The following DYM variants were observed in gnomAD, a reference collection of about 807,000 sequenced individuals.
DYM encodes dyggve-Melchior-Clausen syndrome protein.
DYM carries 78 observed loss-of-function variants against 93.1 expected under a neutral mutation model. That is an observed-to-expected ratio of 0.84 (90% CI 0.70 to 1.01). The LOEUF (loss-of-function observed/expected upper bound fraction) is 1.01. DYM is among the 50% of genes least tolerant of loss of function. The pLI is 0.00. For synonymous variants in DYM, 321 were observed against 319.7 expected (o/e 1.00, Z -0.04); for missense variants, 789 against 845.0 (o/e 0.93, Z 0.82).
At chr18:49,291,735 CA>C (rs1395677512) in intron 8 of DYM, among the ~76,000 whole-genome samples, 1 of 152,070 alleles carries the variant, frequency 6.6e-6, no homozygotes, top group Non-Finnish European at 1.5e-5. Flanking sequence ...TTAAAATTGT[CA>C]ATAATTGGTA....
intron 14 of DYM, among the ~76,000 whole-genome samples, chr18:49,188,619 C>G (rs1336998845): frequency 6.6e-6 from 1 of 151,644 alleles, no homozygotes; most frequent in Non-Finnish European, 1.5e-5. Context: ...TGTCCTCACT[C>G]ATAGGTGGGA....
chr18:49,457,453 G>A (rs1022454943), intron 1 of DYM, among the ~76,000 whole-genome samples: 1 of 152,088 alleles, frequency 6.6e-6, no homozygotes, highest in Non-Finnish European at 1.5e-5. Context: ...ATTTTTAAAG[G>A]TCTCATTTTA....
At chr18:49,239,363 T>G (rs548121612) in intron 13 of DYM, among the ~76,000 whole-genome samples, 2 of 152,268 alleles carry the variant, frequency 1.3e-5, no homozygotes, top group East Asian at 3.9e-4. Context: ...AAGCAATAAT[T>G]TATAAAACTT....
chr18:49,430,531 A>G (rs904156904), intron 1 of DYM, 84 bp from the exon 2 acceptor site: 3 of 1,012,790 alleles, frequency 3.0e-6, no homozygotes, highest in Non-Finnish European at 4.3e-6. Context: ...TAAACTTACT[A>G]AAGAAAATCA....
intron 15 of DYM, among the ~76,000 whole-genome samples, chr18:49,158,289 C>T (rs2086669195): frequency 6.6e-6 from 1 of 152,122 alleles, no homozygotes; most frequent in Admixed American, 6.6e-5. Context: ...TTTAACTATC[C>T]TGTAAGTAGG....
intron 13 of DYM, among the ~76,000 whole-genome samples, chr18:49,240,434 A>G (rs751175491): frequency 6.6e-6 from 1 of 152,230 alleles, no homozygotes; most frequent in Admixed American, 6.5e-5. Context: ...AATACAGTTA[A>G]TGAAAAAGCC....
chr18:49,162,384 C>T (rs2087265694), intron 15 of DYM, among the ~76,000 whole-genome samples: 1 of 152,102 alleles, frequency 6.6e-6, no homozygotes, highest in Non-Finnish European at 1.5e-5. Flanking sequence ...TCTGTGGCAT[C>T]CCAAGATGAT....
chr18:49,126,864 A>G (rs2082880173), intron 15 of DYM, among the ~76,000 whole-genome samples: 1 of 152,246 alleles, frequency 6.6e-6, no homozygotes, highest in South Asian at 2.1e-4. Context: ...TATAAGTGCA[A>G]AGAACTCAGA....
rs72642458 is a variant in DYM at position 49,366,236 on chromosome 18, A to T, written c.422-3003T>A. Among the ~76,000 whole-genome samples, 537 of 152,334 alleles carry T rather than the reference A, an allele frequency of 3.5e-3. 27 individuals are homozygous for T. In the East Asian group the frequency reaches 0.086, roughly 24 times the overall value. ...TTGCATTATTTCCCAACTAGCACTT[A>T]TATCACCTTAGCTTTCTTATAAGGC... On this transcript the variant is annotated intron_variant, in intron 5 of 17. Transcript: ENST00000675505.
At position 49,209,574 on chromosome 18, in the gene DYM, G is replaced by A. The variant is rs2092683193; in HGVS notation, c.1602C>T (p.His534=). 1 of 1,289,730 alleles carries A rather than the reference G, an allele frequency of 7.8e-7. No individual in the cohort carries two copies. Among genetic ancestry groups the A allele is most frequent in the Non-Finnish European group, 1.0e-6 (1 of 988,822 alleles). The allele number at this position is 1,289,730 out of a possible 1,614,324, so 79.9% of individuals were successfully genotyped here. A position where few individuals can be genotyped will look rare whatever the true frequency, so the allele number is the denominator to read the frequency against. Residue 534 remains histidine (H), a synonymous_variant, in exon 14 of 18, where the codon CAC becomes CAT. Transcript: ENST00000675505. The part of the protein sequence containing the change: ...GEELLSLTCS[H]ILRSYASSLF... ...ACCTGGAAGCATAGGATCTGAGAAT[G>A]TGAGAGCAAGTTAAAGACAAGAGTT... is the stretch of plus-strand genomic sequence containing the variant.
chr18:49,450,796 AC>A (rs1202647796), intron 1 of DYM, among the ~76,000 whole-genome samples: 2 of 152,192 alleles, frequency 1.3e-5, no homozygotes, highest in African/African-American at 4.8e-5. Flanking sequence ...GGTTAACTAA[AC>A]TTTTTCCGTC....
chr18:49,210,555 G>T (rs912114410), intron 13 of DYM, among the ~76,000 whole-genome samples: 3 of 152,166 alleles, frequency 2.0e-5, no homozygotes, highest in Admixed American at 6.5e-5. Flanking sequence ...AGGGGAGAGA[G>T]GGATGAATAT....
At chr18:49,359,392 AG>A (rs1031023552) in intron 6 of DYM, among the ~76,000 whole-genome samples, 6 of 152,212 alleles carry the variant, frequency 3.9e-5, no homozygotes, top group Admixed American at 1.3e-4. Flanking sequence ...AATGAAGATT[AG>A]TACCTCCGTG....
chr18:49,289,772 T>TATATACAC (rs1555678772), intron 8 of DYM, among the ~76,000 whole-genome samples: 1 of 36,646 alleles, frequency 2.7e-5, no homozygotes, highest in South Asian at 5.7e-4. Flanking sequence ...TATATATATA[T>TATATACAC]ACACATATAT....
At chr18:49,422,048 C>G (rs927239638) in intron 2 of DYM, among the ~76,000 whole-genome samples, 2 of 152,228 alleles carry the variant, frequency 1.3e-5, no homozygotes, top group South Asian at 4.2e-4. Context: ...CTGAAAGTGA[C>G]GGGGAGAATG....
rs936954247 is a variant in DYM at position 49,039,135 on chromosome 18, A to G, written c.*4920T>C. On this transcript the variant is annotated 3_prime_UTR_variant, in exon 18 of 18. Transcript: ENST00000675505. ...AATTCTTCTAGCTGTTTCTCTAAAA[A>G]TGTCTTCATATCCTCTTCATTTTTG... Among the ~76,000 whole-genome samples, 1 of 152,186 alleles carries G rather than the reference A, an allele frequency of 6.6e-6. No homozygotes were observed.
rs930444135 is a variant in DYM at position 49,050,537 on chromosome 18, C to T, written c.2026-6333G>A. On this transcript the variant is annotated intron_variant, in intron 17 of 17. Transcript: ENST00000675505. ...CATCTTCCTGTAAGATCGTGCAGCACGTTCAACAACATCCAGCATGGCAGC... is the reference window on the plus strand; with the variant it reads ...CATCTTCCTGTAAGATCGTGCAGCATGTTCAACAACATCCAGCATGGCAGC... Among the ~76,000 whole-genome samples, 5 of 152,062 alleles carry T rather than the reference C, an allele frequency of 3.3e-5. 1 individual carries two copies. The highest frequency in any genetic ancestry group is 4.1e-4 in the South Asian group (2 of 4,826).
At chr18:49,129,001 T>C (rs2083111059) in intron 15 of DYM, among the ~76,000 whole-genome samples, 1 of 152,158 alleles carries the variant, frequency 6.6e-6, no homozygotes, top group African/African-American at 2.4e-5. Flanking sequence ...GGATTACACA[T>C]TGACTTCAGA....
At position 49,038,214 on chromosome 18, in the gene DYM, G is replaced by A. The variant is rs1327393877; in HGVS notation, c.*5841C>T. Among the ~76,000 whole-genome samples, 12 of 152,132 alleles carry A rather than the reference G, an allele frequency of 7.9e-5. No homozygotes were observed. The highest frequency in any genetic ancestry group is 1.2e-4 in the African/African-American group (5 of 41,414). Reference sequence around the variant, plus strand: ...TGAGTTTGGTGTCCTACATACATCCGTTTGGTTTGCTCATTTCATTGCTTA... The same window carrying A: ...TGAGTTTGGTGTCCTACATACATCCATTTGGTTTGCTCATTTCATTGCTTA... On this transcript the variant is annotated 3_prime_UTR_variant, in exon 18 of 18. Transcript: ENST00000675505.
Sources: allele counts gnomAD v4.1 joint callset (sites outside exome capture counted in the v4.1 genomes callset), GRCh38; gene constraint gnomAD v4.1.1; transcripts MANE v1.5; gene names NCBI Gene and HGNC (gene_info 2026-07-23, HGNC 2026-07-21).